Variants in ORC6 observed in about 807,000 individuals in gnomAD.
ORC6 encodes the protein origin recognition complex, subunit 6 homolog-like (yeast).
A neutral mutation model predicts 30.0 loss-of-function variants in ORC6; 31 were observed. The ratio of observed to expected loss-of-function variants is 1.03; its 90% CI spans 0.78 to 1.40. The LOEUF is 1.40. ORC6 is among the 40% of genes most tolerant of loss of function. ORC6 has a pLI of 0.00. For synonymous variants in ORC6, 136 were observed against 111.2 expected, an observed-to-expected ratio of 1.22 and a Z score of -1.40; for missense variants, 340 against 304.3, an observed-to-expected ratio of 1.12 and a Z score of -0.87.
chr16:46,697,702 C>A lies in ORC6; in HGVS notation c.*117C>A. 1 of 1,173,622 alleles carries A rather than the reference C, an allele frequency of 8.5e-7. No individual in the cohort carries two copies. 72.7% of individuals were successfully genotyped at this position (1,173,622 alleles called of 1,614,324 possible). A position where few individuals can be genotyped will look rare whatever the true frequency, so the allele number is the denominator to read the frequency against. On this transcript the variant is annotated 3_prime_UTR_variant, in exon 7 of 7. Coordinates refer to ENST00000219097, the MANE Select transcript of ORC6 (RefSeq NM_014321.4). ...TATAATAAGGATCCTAAGACTGTTG[C>A]CTTTAAATAGCAAAGCAGCCTACCT...
At chr16:46,695,234 A>C (rs1966505467) in intron 4 of ORC6, 12 of 293,828 alleles carry the variant, frequency 4.1e-5, no homozygotes, top group Non-Finnish European at 1.9e-5. Context: ...CTGTGAGTTA[A>C]AATGAGTGGA....
intron 5 of ORC6, 82 bp downstream of exon 5, chr16:46,695,756 A>C (rs1270934547): frequency 1.1e-6 from 1 of 919,798 alleles, no homozygotes; most frequent in Non-Finnish European, 1.8e-6. Flanking sequence ...TCAAATATGT[A>C]AACTGGCTGC....
chr16:46,693,636 TAAG>T (rs1165438994), intron 4 of ORC6: 1 of 152,446 alleles, frequency 6.6e-6, no homozygotes, highest in Non-Finnish European at 1.4e-5. Context: ...CCCAATCTCT[TAAG>T]AAAAAAAAAA....
At chr16:46,692,900 A>G (rs2143010597) in intron 3 of ORC6, among the ~76,000 whole-genome samples, 193 bp from the exon 4 acceptor site, 1 of 151,858 alleles carries the variant, frequency 6.6e-6, no homozygotes. Flanking sequence ...GGGGGGGACC[A>G]GAAAATTTAT....
chr16:46,693,460 T>A (rs1348442621), intron 4 of ORC6: 1 of 505,124 alleles, frequency 2.0e-6, no homozygotes, highest in African/African-American at 1.9e-5. Context: ...ATGATATCTG[T>A]CATTAAAACA....
intron 3 of ORC6, 151 bp downstream of exon 3, chr16:46,692,696 C>T: frequency 1.5e-6 from 1 of 671,748 alleles, no homozygotes; most frequent in Non-Finnish European, 2.6e-6. Flanking sequence ...GGTGAAACCC[C>T]ATTTCTACTA....
rs1379299947 is a variant in ORC6 at position 46,695,580 on chromosome 16, G to A, written c.468G>A (p.Val156=). The A allele has an allele frequency of 1.9e-6, 3 of 1,612,180 alleles. No individual in the cohort carries two copies. The Admixed American group carries it at 5.0e-5, about 27-fold the overall frequency. The part of the protein sequence containing the change: ...LSACKILKLK[V]DKNKMVATSG... ...TTTGTAGGATTCTAAAGCTGAAAGTGGATAAAAACAAAATGGTAGCCACAT... is the reference window on the plus strand; with the variant it reads ...TTTGTAGGATTCTAAAGCTGAAAGTAGATAAAAACAAAATGGTAGCCACAT... The change falls in exon 5 of 7, where the codon GTG becomes GTA. Residue 156 remains valine, a synonymous_variant. Coordinates refer to ENST00000219097, the MANE Select transcript of ORC6 (RefSeq NM_014321.4).
Position 46,698,388 on chromosome 16 carries a change from A to G in ORC6, c.*803A>G, listed in dbSNP as rs1966547160. 2.7e-6 allele frequency: 1 copy of G among 376,444 alleles called. No homozygotes were observed. Among genetic ancestry groups the G allele is most frequent in the African/African-American group, 2.1e-5 (1 of 47,390 alleles). The allele number at this position is 376,444 out of a possible 1,614,324, so 23.3% of individuals were successfully genotyped here. A position where few individuals can be genotyped will look rare whatever the true frequency, so the allele number is the denominator to read the frequency against. On this transcript the variant is annotated 3_prime_UTR_variant, in exon 7 of 7. Transcript: ENST00000219097. ...GCCTAAGTTAATAAATGTTATTTAT[A>G]TATGCATTCAAGTTGTACTTGTCAT...
intron 2 of ORC6, among the ~76,000 whole-genome samples, chr16:46,691,983 C>CTCT (rs1357880671): frequency 2.0e-5 from 3 of 148,692 alleles, no homozygotes; most frequent in Admixed American, 6.7e-5. Context: ...CTCTCTCTCA[C>CTCT]CACCCCGCCC....
chr16:46,690,350 G>A (rs1056726527), intron 1 of ORC6, among the ~76,000 whole-genome samples: 2 of 152,228 alleles, frequency 1.3e-5, no homozygotes, highest in East Asian at 3.8e-4. Context: ...GATGGGAAGC[G>A]GGATCCGGGG....
chr16:46,690,243 C>T (rs1271779657), intron 1 of ORC6, among the ~76,000 whole-genome samples: 1 of 152,128 alleles, frequency 6.6e-6, no homozygotes, highest in Admixed American at 6.5e-5. Context: ...AAGCAGGCGC[C>T]GTTCCCGCTG....
At chr16:46,693,498 A>G in intron 4 of ORC6, 1 of 402,516 alleles carries the variant, frequency 2.5e-6, no homozygotes, top group Non-Finnish European at 4.6e-6. Flanking sequence ...TTCTGCTCAT[A>G]TTTTTTAAAA....
In ORC6 at chr16:46,695,670, C is replaced by T. The variant is rs750215085; in HGVS notation, c.558C>T (p.Val186=). 9.5e-6 allele frequency: 15 copies of T among 1,578,764 alleles called. No homozygotes were observed. The highest frequency in any genetic ancestry group is 1.7e-5 in the Admixed American group (1 of 59,916). The change falls in exon 5 of 7, where the codon GTC becomes GTT. Residue 186 remains valine (V), a synonymous_variant. Transcript: ENST00000219097. ...AACTAGAGAAGATTGGACAGCAGGT[C>T]GACAGTAAGTATTCTGTAGTTCAAG... is the stretch of plus-strand genomic sequence containing the variant. The part of the protein sequence containing the change: ...CKQLEKIGQQ[V]DREPGDVATP...
chr16:46,690,894 G>A (rs1596732871), intron 1 of ORC6, 97 bp from the exon 2 acceptor site: 1 of 1,298,888 alleles, frequency 7.7e-7, no homozygotes, highest in Non-Finnish European at 1.1e-6. Flanking sequence ...CAGGAGTTAG[G>A]CTTAGTGTGA....
In ORC6 at chr16:46,689,685, G is replaced by T. The variant is rs750140520; in HGVS notation, c.-21G>T. The T allele has an allele frequency of 1.1e-5, 17 of 1,595,198 alleles. No individual in the cohort carries two copies. The highest frequency in any genetic ancestry group is 1.4e-5 in the Non-Finnish European group (16 of 1,170,596). ...TTGACCCGCGGCGTTCACGGGAATT[G>T]TTCGCTTTAGTGCCGGCGCCATGGG... is the stretch of plus-strand genomic sequence containing the variant. On this transcript the variant is annotated 5_prime_UTR_variant, in exon 1 of 7. Transcript: ENST00000219097.
chr16:46,695,936 A>AT (rs1328415997), intron 5 of ORC6, 81 bp from the exon 6 acceptor site: 2 of 1,066,046 alleles, frequency 1.9e-6, no homozygotes, highest in African/African-American at 3.1e-5. Context: ...AAGATGTCTA[A>AT]TTTTATTTGT....
chr16:46,697,583 T>C lies in ORC6; in HGVS notation c.757T>C (p.Ter253ArgextTer32). The change falls in exon 7 of 7, where the codon TGA (stop) becomes CGA (arginine). Residue 253 changes from the stop codon to arginine (R), a stop_lost. Coordinates refer to ENST00000219097, the MANE Select transcript of ORC6 (RefSeq NM_014321.4). Reference protein sequence around the residue: ...AASAQKATAE* With the variant: ...AASAQKATAER ...CAGTGCTCAAAAGGCTACAGCAGAGTGATTTCAGCTTCCAAACTGGTATAC... is the reference window on the plus strand; with the variant it reads ...CAGTGCTCAAAAGGCTACAGCAGAGCGATTTCAGCTTCCAAACTGGTATAC... 6.2e-7 allele frequency: 1 copy of C among 1,613,882 alleles called. No homozygotes were observed. Among genetic ancestry groups the C allele is most frequent in the Non-Finnish European group, 8.5e-7 (1 of 1,179,858 alleles).
At chr16:46,691,958 A>ACACACACTCTCTCTCTCTCTCT in intron 2 of ORC6, among the ~76,000 whole-genome samples, 8,735 of 36,730 alleles carry the variant, frequency 0.24, 1,598 homozygotes, top group South Asian at 0.33. Context: ...ACACACACAC[A>ACACACACTCTCTCTCTCTCTCT]CTCTCTCTCT....
rs1490089448 is a variant in ORC6 at position 46,698,052 on chromosome 16, T to C, written c.*467T>C. On this transcript the variant is annotated 3_prime_UTR_variant, in exon 7 of 7. Transcript: ENST00000219097. ...ATCACTTGAACGTGGGAGGCAGAGG[T>C]TGCAGTGAGCCGAGATTGCACCACC... 2.4e-6 allele frequency: 1 copy of C among 411,388 alleles called. No homozygotes were observed. The highest frequency in any genetic ancestry group is 7.2e-5 in the East Asian group (1 of 13,850). The allele number at this position is 411,388 out of a possible 1,614,324, so 25.5% of individuals were successfully genotyped here. A position where few individuals can be genotyped will look rare whatever the true frequency, so the allele number is the denominator to read the frequency against.
Sources: gnomAD v4.1 joint callset for allele counts (sites outside exome capture counted in the v4.1 genomes callset) on GRCh38, gnomAD v4.1.1 for gene constraint, MANE v1.5 for transcripts, NCBI Gene and HGNC (gene_info 2026-07-23, HGNC 2026-07-21) for gene names.